The following SFT2D1 variants were observed in gnomAD, a reference collection of about 807,000 sequenced individuals.
SFT2D1 encodes the protein vesicle transport protein SFT2A.
In SFT2D1, 24 loss-of-function variants were observed where a neutral mutation model predicts 28.1. The ratio of observed to expected loss-of-function variants is 0.85; its 90% CI spans 0.62 to 1.20. SFT2D1 has a LOEUF of 1.20. Among genes scored for constraint, SFT2D1 ranks in the 50% most tolerant of loss-of-function variants. SFT2D1 has a pLI of 0.00. For missense variants in SFT2D1, 181 were observed against 190.9 expected (o/e 0.95, Z 0.31); for synonymous variants, 82 against 73.7 (o/e 1.11, Z -0.58).
At chr6:166,333,207 G>A (rs370787241) in intron 1 of SFT2D1, among the ~76,000 whole-genome samples, 18 of 152,152 alleles carry the variant, frequency 1.2e-4, no homozygotes, top group East Asian at 9.6e-4. Context: ...AGAACCGCCC[G>A]CTCCCCACAC....
intron 1 of SFT2D1, among the ~76,000 whole-genome samples, chr6:166,334,033 T>C (rs796485484): frequency 3.9e-5 from 6 of 152,360 alleles, no homozygotes; most frequent in South Asian, 2.1e-4. Context: ...AGGGAATTGA[T>C]GCTATTGGGC....
chr6:166,335,306 G>A (rs1293774504), intron 1 of SFT2D1: 3 of 578,116 alleles, frequency 5.2e-6, no homozygotes, highest in Non-Finnish European at 1.0e-5. Context: ...CAGCAGGGAT[G>A]GCTGTAATGG....
chr6:166,331,285 C>T (rs1392588845), intron 1 of SFT2D1: 1 of 152,600 alleles, frequency 6.6e-6, no homozygotes, highest in African/African-American at 2.4e-5. Flanking sequence ...ACCACATCCA[C>T]TTAAAAATAA....
Position 166,324,593 on chromosome 6 carries a change from C to T in SFT2D1, c.354G>A (p.Trp118Ter), listed in dbSNP as rs867694312. 6.2e-7 allele frequency: 1 copy of T among 1,611,822 alleles called. No individual in the cohort carries two copies. Among genetic ancestry groups the T allele is most frequent in the Non-Finnish European group, 8.5e-7 (1 of 1,179,456 alleles). ...ATAACACAGCCAGTCCCTTCTTATGCCACTAACAACAGCAAAAACAGAGCA... is the reference window on the plus strand; with the variant it reads ...ATAACACAGCCAGTCCCTTCTTATGTCACTAACAACAGCAAAAACAGAGCA... ...FIFTLCAALW[W>*]HKKGLAVLFC... The change falls in exon 6 of 8, where the codon TGG (tryptophan) becomes TGA (stop). Residue 118 changes from tryptophan to a stop codon, truncating the protein, a stop_gained and splice_region_variant. Transcript: ENST00000361731. LOFTEE classifies it high-confidence loss of function.
intron 4 of SFT2D1, among the ~76,000 whole-genome samples, chr6:166,326,687 C>T (rs577211462): frequency 1.6e-4 from 24 of 152,334 alleles, no homozygotes; most frequent in African/African-American, 5.5e-4. Context: ...CTATGTGGCA[C>T]AGCCTCTTCA....
At position 166,326,101 on chromosome 6, in the gene SFT2D1, A is replaced by C. The variant is rs12190616; in HGVS notation, c.351+31T>G. The C allele has an allele frequency of 0.17, 274,866 of 1,605,108 alleles. 25,896 individuals are homozygous for C. Among genetic ancestry groups the C allele is most frequent in the African/African-American group, 0.31 (23,363 of 74,696 alleles). ...AGCTGGGGTGGGGGGCACACAGTTA[A>C]CTGAAAGCCAGTAGGGCTGACATAA... On this transcript the variant is annotated intron_variant, in intron 5 of 7. Coordinates refer to ENST00000361731, the MANE Select transcript of SFT2D1 (RefSeq NM_145169.3).
At chr6:166,320,752 A>G (rs1778337740) in intron 7 of SFT2D1, among the ~76,000 whole-genome samples, 1 of 151,532 alleles carries the variant, frequency 6.6e-6, no homozygotes, top group Non-Finnish European at 1.5e-5. Flanking sequence ...CCTGCGCTCA[A>G]GCCATCCACC....
chr6:166,326,899 A>G (rs1778454203), intron 4 of SFT2D1, among the ~76,000 whole-genome samples: 1 of 152,232 alleles, frequency 6.6e-6, no homozygotes, highest in Non-Finnish European at 1.5e-5. Context: ...TTAGTGGAAT[A>G]TAAACTACTT....
chr6:166,335,014 C>T, intron 1 of SFT2D1: 1 of 502,526 alleles, frequency 2.0e-6, no homozygotes, highest in Non-Finnish European at 3.8e-6. Context: ...AGAAAAGGGG[C>T]TATGCCTTCG....
intron 1 of SFT2D1, among the ~76,000 whole-genome samples, chr6:166,333,213 C>A (rs766101697): frequency 6.6e-5 from 10 of 152,232 alleles, no homozygotes; most frequent in Non-Finnish European, 1.2e-4. Flanking sequence ...GCCCGCTCCC[C>A]ACACCCGCTG....
intron 4 of SFT2D1, among the ~76,000 whole-genome samples, chr6:166,327,559 G>A (rs951814711): frequency 1.9e-4 from 29 of 152,230 alleles, no homozygotes; most frequent in African/African-American, 7.0e-4. Context: ...AAAGTCAGAT[G>A]ACAAATGATG....
intron 1 of SFT2D1, among the ~76,000 whole-genome samples, chr6:166,333,466 T>C (rs1562445667): frequency 6.6e-6 from 1 of 152,238 alleles, no homozygotes; most frequent in Admixed American, 6.5e-5. Flanking sequence ...CCGTTTCTTC[T>C]GGCAGCAGGC....
chr6:166,330,866 A>G (rs1384095566), intron 1 of SFT2D1, among the ~76,000 whole-genome samples: 2 of 152,268 alleles, frequency 1.3e-5, no homozygotes, highest in Admixed American at 6.5e-5. Flanking sequence ...GGCCACCTAC[A>G]GGAGGCAGCC....
chr6:166,341,417 C>A (rs369579834), intron 1 of SFT2D1, among the ~76,000 whole-genome samples: 1 of 149,584 alleles, frequency 6.7e-6, no homozygotes, highest in Non-Finnish European at 1.5e-5. Context: ...CCACTGCACT[C>A]CAGGCCTGAG....
At chr6:166,328,124 G>T (rs1778484579) in intron 4 of SFT2D1, 152 bp downstream of exon 4, 1 of 355,030 alleles carries the variant, frequency 2.8e-6, no homozygotes, top group Non-Finnish European at 4.9e-6. Context: ...TTCAACACAA[G>T]AAGTATACAT....
chr6:166,336,222 G>A (rs796984480), intron 1 of SFT2D1, among the ~76,000 whole-genome samples: 69 of 151,820 alleles, frequency 4.5e-4, no homozygotes, highest in African/African-American at 1.5e-3. Flanking sequence ...CACTCTGCTC[G>A]GGTGGAGAAG....
intron 5 of SFT2D1, among the ~76,000 whole-genome samples, chr6:166,325,276 TA>T (rs577661916): frequency 2.0e-4 from 29 of 148,410 alleles, no homozygotes; most frequent in East Asian, 7.8e-4. Flanking sequence ...ATCATCAAAA[TA>T]AAAAAAAAAC....
chr6:166,325,847 T>G, intron 5 of SFT2D1: 1 of 503,802 alleles, frequency 2.0e-6, no homozygotes, highest in East Asian at 3.5e-5. Flanking sequence ...ACTGACTACC[T>G]CTATGCTGCA....
intron 5 of SFT2D1, chr6:166,325,923 T>A: frequency 1.7e-6 from 1 of 604,972 alleles, no homozygotes; most frequent in Admixed American, 3.1e-5. Context: ...ACATGTGTGT[T>A]CACTGACTAC....
Sources: allele counts gnomAD v4.1 joint callset (sites outside exome capture counted in the v4.1 genomes callset), GRCh38; gene constraint gnomAD v4.1.1; transcripts MANE v1.5; gene names NCBI Gene and HGNC (gene_info 2026-07-23, HGNC 2026-07-21).